The following DACH2 variants were observed in gnomAD, a reference collection of about 807,000 sequenced individuals.
DACH2 encodes dachshund homolog 2.
DACH2 carries 17 observed loss-of-function variants against 35.8 expected under a neutral mutation model. The ratio of observed to expected loss-of-function variants is 0.48; its 90% CI spans 0.33 to 0.71. DACH2 has a LOEUF of 0.71. DACH2 is among the 30% of genes least tolerant of loss of function. DACH2 has a pLI of 0.02. For synonymous variants in DACH2, 195 were observed against 177.3 expected, an observed-to-expected ratio of 1.10 and a Z score of -0.79; for missense variants, 469 against 472.7, an observed-to-expected ratio of 0.99 and a Z score of 0.07.
intron 2 of DACH2, among the ~76,000 whole-genome samples, chrX:86,442,357 G>T (rs1341231594): frequency 2.3e-5 from 2 of 86,864 alleles, no homozygotes; most frequent in African/African-American, 4.4e-5. Flanking sequence ...GTAGTATTTT[G>T]TGTGTGTGTG....
At chrX:86,553,252 G>A (rs1424703846) in intron 3 of DACH2, among the ~76,000 whole-genome samples, 1 of 111,416 alleles carries the variant, frequency 9.0e-6, no homozygotes, top group Non-Finnish European at 1.9e-5. Flanking sequence ...TGAAGAACTT[G>A]GAGTCTGATG....
chrX:86,695,575 A>G (rs1437447567), intron 5 of DACH2, among the ~76,000 whole-genome samples: 5 of 106,380 alleles, frequency 4.7e-5, no homozygotes, highest in African/African-American at 1.7e-4. Flanking sequence ...CAATGGCGTG[A>G]TCGCGGCTCA....
At chrX:86,246,984 A>G in intron 1 of DACH2, among the ~76,000 whole-genome samples, 1 of 111,975 alleles carries the variant, frequency 8.9e-6, no homozygotes, top group South Asian at 3.7e-4. Context: ...ATAGAGAAAA[A>G]TCTACCAAGT....
intron 1 of DACH2, among the ~76,000 whole-genome samples, chrX:86,325,837 G>A (rs1054344966): frequency 4.5e-5 from 5 of 111,849 alleles, no homozygotes; most frequent in Admixed American, 3.8e-4. Context: ...GAAAAAGTGG[G>A]AGCTTTGGAG....
intron 2 of DACH2, among the ~76,000 whole-genome samples, chrX:86,467,825 G>C (rs1337789330): frequency 8.9e-6 from 1 of 111,946 alleles, no homozygotes; most frequent in Non-Finnish European, 1.9e-5. Context: ...GTGGCAGCAA[G>C]GAAAAGTGCA....
intron 4 of DACH2, among the ~76,000 whole-genome samples, chrX:86,691,535 G>A (rs1371491636): frequency 9.0e-6 from 1 of 110,970 alleles, no homozygotes; most frequent in Non-Finnish European, 1.9e-5. Context: ...AAATAAATCC[G>A]GCCTAGAGTG....
At chrX:86,734,477 A>G (rs1469287509) in intron 6 of DACH2, among the ~76,000 whole-genome samples, 3 of 111,379 alleles carry the variant, frequency 2.7e-5, no homozygotes, top group African/African-American at 9.8e-5. Flanking sequence ...AATGAAACAC[A>G]TATATTGTGA....
At chrX:86,268,954 C>A (rs953768995) in intron 1 of DACH2, among the ~76,000 whole-genome samples, 2 of 111,435 alleles carry the variant, frequency 1.8e-5, no homozygotes, top group Admixed American at 1.9e-4. Context: ...TATCCATCCC[C>A]TCAAGAATTT....
chrX:86,363,026 T>C (rs1280657012), intron 1 of DACH2, among the ~76,000 whole-genome samples: 1 of 106,044 alleles, frequency 9.4e-6, no homozygotes, highest in Non-Finnish European at 1.9e-5. Flanking sequence ...CAGAATCTAG[T>C]TCATAATATT....
intron 1 of DACH2, among the ~76,000 whole-genome samples, chrX:86,359,552 A>G (rs979372861): frequency 9.0e-6 from 1 of 111,675 alleles, no homozygotes; most frequent in East Asian, 2.8e-4. Context: ...ATTGGAGACC[A>G]GCCTGGTCAA....
intron 1 of DACH2, among the ~76,000 whole-genome samples, chrX:86,227,654 G>A (rs11092761): frequency 0.36 from 38,449 of 105,835 alleles, 6,224 homozygotes; most frequent in South Asian, 0.74. Context: ...AAATTTAGTA[G>A]CCCTTACTAC....
intron 1 of DACH2, among the ~76,000 whole-genome samples, chrX:86,273,088 T>G (rs932834237): frequency 8.9e-6 from 1 of 112,078 alleles, no homozygotes; most frequent in Non-Finnish European, 1.9e-5. Context: ...ACCAATTATA[T>G]GATAATAGTT....
chrX:86,418,537 G>T (rs2036747830), intron 2 of DACH2, among the ~76,000 whole-genome samples: 1 of 112,004 alleles, frequency 8.9e-6, no homozygotes. Context: ...TGAAGCCATG[G>T]TCCCAGCTCT....
intron 2 of DACH2, among the ~76,000 whole-genome samples, chrX:86,419,315 C>A (rs987766207): frequency 3.6e-5 from 4 of 111,716 alleles, no homozygotes; most frequent in Middle Eastern, 4.2e-3. Context: ...AAGACATACC[C>A]GAGACTGGGA....
At chrX:86,397,674 T>C (rs2148125992) in intron 2 of DACH2, among the ~76,000 whole-genome samples, 1 of 112,183 alleles carries the variant, frequency 8.9e-6, no homozygotes, top group East Asian at 2.8e-4. Flanking sequence ...TTTGGTTCTG[T>C]TTATATGCTG....
At chrX:86,605,274 A>G (rs1166546581) in intron 3 of DACH2, among the ~76,000 whole-genome samples, 1 of 101,047 alleles carries the variant, frequency 9.9e-6, no homozygotes, top group African/African-American at 3.7e-5. Context: ...TCTATCTGAA[A>G]CCCCCCTTTA....
At chrX:86,397,374 C>T (rs1384838376) in intron 2 of DACH2, among the ~76,000 whole-genome samples, 2 of 111,293 alleles carry the variant, frequency 1.8e-5, no homozygotes, top group Non-Finnish European at 3.8e-5. Flanking sequence ...TAATTGAATG[C>T]CCTTTATTTT....
At chrX:86,509,858 A>C (rs2038373092) in intron 2 of DACH2, among the ~76,000 whole-genome samples, 1 of 111,986 alleles carries the variant, frequency 8.9e-6, no homozygotes, top group Non-Finnish European at 1.9e-5. Flanking sequence ...GTACTATCTC[A>C]AGGGATTTTA....
At chrX:86,404,929 C>A (rs2148136352) in intron 2 of DACH2, among the ~76,000 whole-genome samples, 1 of 112,433 alleles carries the variant, frequency 8.9e-6, no homozygotes, top group Non-Finnish European at 1.9e-5. Flanking sequence ...GGCTCAACAC[C>A]ATGTGGAAGC....
Sources: allele counts gnomAD v4.1 joint callset (sites outside exome capture counted in the v4.1 genomes callset), GRCh38; gene constraint gnomAD v4.1.1; transcripts MANE v1.5; gene names NCBI Gene and HGNC (gene_info 2026-07-23, HGNC 2026-07-21).